PRKG1: variants seen among roughly 807,000 people sequenced by gnomAD.
The protein encoded by PRKG1 is cGMP-dependent protein kinase 1.
Under a neutral mutation model 88.1 loss-of-function variants are expected in PRKG1, and 35 were observed. The ratio of observed to expected loss-of-function variants is 0.40; its 90% CI spans 0.30 to 0.53. The LOEUF (loss-of-function observed/expected upper bound fraction) is 0.53. Among genes scored for constraint, PRKG1 ranks in the 20% least tolerant of loss-of-function variants. The pLI is 0.59. For synonymous variants in PRKG1, 303 were observed against 292.5 expected (o/e 1.04, Z -0.37); for missense variants, 540 against 839.8 (o/e 0.64, Z 4.41).
chr10:51,611,986 A>G (rs957201437), intron 3 of PRKG1, among the ~76,000 whole-genome samples: 9 of 151,672 alleles, frequency 5.9e-5, no homozygotes, highest in Non-Finnish European at 1.2e-4. Flanking sequence ...ACTCTTTTCT[A>G]TTGGCCAATT....
At chr10:51,714,511 G>T (rs1355842299) in intron 3 of PRKG1, among the ~76,000 whole-genome samples, 1 of 152,152 alleles carries the variant, frequency 6.6e-6, no homozygotes, top group African/African-American at 2.4e-5. Flanking sequence ...TTTTAGGAGA[G>T]AAAAAGTTCC....
chr10:51,816,823 T>C (rs970943891), intron 4 of PRKG1, among the ~76,000 whole-genome samples: 6 of 152,164 alleles, frequency 3.9e-5, no homozygotes, highest in African/African-American at 1.2e-4. Flanking sequence ...ATAAATACTG[T>C]TTTCCCTGTT....
At chr10:51,838,381 G>A (rs1840182908) in intron 4 of PRKG1, among the ~76,000 whole-genome samples, 1 of 151,996 alleles carries the variant, frequency 6.6e-6, no homozygotes, top group African/African-American at 2.4e-5. Context: ...GCTAATAAGC[G>A]AAAACAACAT....
chr10:51,667,887 C>G lies in PRKG1; in HGVS notation c.593-136698C>G, dbSNP rs555953158. ...TGATTTCCCCAAGATGAAAACATTA[C>G]TGAGTTATGTGCAGAGACCTGAAGA... On this transcript the variant is annotated intron_variant, in intron 3 of 17. Transcript: ENST00000373980. Among the ~76,000 whole-genome samples, 12 of 152,238 alleles carry G rather than the reference C, an allele frequency of 7.9e-5. 1 individual carries two copies. In the South Asian group the frequency reaches 2.5e-3, roughly 32 times the overall value.
At chr10:52,251,213 A>C (rs1841161146) in intron 9 of PRKG1, among the ~76,000 whole-genome samples, 1 of 152,076 alleles carries the variant, frequency 6.6e-6, no homozygotes, top group Non-Finnish European at 1.5e-5. Flanking sequence ...AAAACCAAAA[A>C]ATCTAAAACA....
intron 5 of PRKG1, 99 bp downstream of exon 5, chr10:51,907,669 T>A (rs1842115593): frequency 9.9e-6 from 11 of 1,110,492 alleles, no homozygotes; most frequent in Non-Finnish European, 1.3e-5. Flanking sequence ...ACTGCAGAGA[T>A]CTTTAAAAAA....
chr10:51,419,312 A>G (rs1838339499), intron 2 of PRKG1, among the ~76,000 whole-genome samples: 2 of 152,324 alleles, frequency 1.3e-5, no homozygotes, highest in South Asian at 4.1e-4. Context: ...AGGAGAGGGC[A>G]AGCAGTAAAT....
intron 5 of PRKG1, among the ~76,000 whole-genome samples, chr10:51,957,829 AC>A (rs1286829403): frequency 1.3e-5 from 2 of 152,148 alleles, no homozygotes; most frequent in African/African-American, 4.8e-5. Context: ...ATAGTGTAGG[AC>A]ATATAGTTGT....
intron 7 of PRKG1, among the ~76,000 whole-genome samples, chr10:52,093,683 C>T (rs1847108189): frequency 6.6e-6 from 1 of 152,088 alleles, no homozygotes; most frequent in African/African-American, 2.4e-5. Context: ...TTGAATTATG[C>T]AAATAATCAC....
chr10:51,871,867 A>G (rs1466230572), intron 4 of PRKG1, among the ~76,000 whole-genome samples: 1 of 152,198 alleles, frequency 6.6e-6, no homozygotes, highest in Non-Finnish European at 1.5e-5. Flanking sequence ...AGGGCTTGGC[A>G]GTTGCCTCGG....
chr10:51,184,992 G>A (rs933494740), intron 2 of PRKG1, among the ~76,000 whole-genome samples: 26 of 152,030 alleles, frequency 1.7e-4, no homozygotes, highest in Non-Finnish European at 2.2e-4. Flanking sequence ...AAGCATTTAG[G>A]TTATTAACTT....
intron 3 of PRKG1, among the ~76,000 whole-genome samples, chr10:51,608,493 C>T (rs529320708): frequency 6.6e-6 from 1 of 152,190 alleles, no homozygotes; most frequent in African/African-American, 2.4e-5. Context: ...GTCAGCTGTT[C>T]TGCTGGAATT....
chr10:51,927,578 AC>A (rs34178211), intron 5 of PRKG1, among the ~76,000 whole-genome samples: 28,241 of 152,102 alleles, frequency 0.19, 3,081 homozygotes, highest in Non-Finnish European at 0.24. Flanking sequence ...AAAAACATGC[AC>A]ATACACACAC....
At chr10:52,060,948 T>TA (rs1234689603) in intron 6 of PRKG1, among the ~76,000 whole-genome samples, 1 of 152,012 alleles carries the variant, frequency 6.6e-6, no homozygotes, top group Non-Finnish European at 1.5e-5. Context: ...AATTGCATAA[T>TA]ATTCATATAA....
chr10:51,852,224 T>C (rs1275370291), intron 4 of PRKG1, among the ~76,000 whole-genome samples: 6 of 149,670 alleles, frequency 4.0e-5, no homozygotes, highest in African/African-American at 1.5e-4. Context: ...TATATATATA[T>C]ATATACACAC....
At chr10:51,354,199 CA>C (rs11343246) in intron 2 of PRKG1, among the ~76,000 whole-genome samples, 127,994 of 149,920 alleles carry the variant, frequency 0.85, 54,958 homozygotes, top group East Asian at 0.98. Flanking sequence ...TTAATGGGCA[CA>C]AAAAAAAAAA....
intron 2 of PRKG1, among the ~76,000 whole-genome samples, chr10:51,191,826 G>A (rs1837638850): frequency 6.6e-6 from 1 of 151,688 alleles, no homozygotes; most frequent in Admixed American, 6.6e-5. Flanking sequence ...TGATGAGTTG[G>A]GGAAGGTCTA....
At chr10:51,050,868 C>T (rs533317793) in intron 1 of PRKG1, among the ~76,000 whole-genome samples, 38 of 152,234 alleles carry the variant, frequency 2.5e-4, no homozygotes, top group Middle Eastern at 6.8e-3. Context: ...AGTGACATCT[C>T]ATTGTGGTTT....
At chr10:51,291,799 A>T (rs1007709791) in intron 2 of PRKG1, among the ~76,000 whole-genome samples, 3 of 152,144 alleles carry the variant, frequency 2.0e-5, no homozygotes, top group Non-Finnish European at 4.4e-5. Flanking sequence ...ATGTGTTTAG[A>T]TTCTAGTGTA....
Sources: gnomAD v4.1 joint callset for allele counts (sites outside exome capture counted in the v4.1 genomes callset) on GRCh38, gnomAD v4.1.1 for gene constraint, MANE v1.5 for transcripts, NCBI Gene and HGNC (gene_info 2026-07-23, HGNC 2026-07-21) for gene names.